The following UNC79 variants were observed in gnomAD, a reference collection of about 807,000 sequenced individuals.
The protein encoded by UNC79 is protein unc-79 homolog.
In UNC79, 37 loss-of-function variants were observed where a neutral mutation model predicts 283.1. The ratio of observed to expected loss-of-function variants is 0.13; its 90% CI spans 0.10 to 0.17. The LOEUF (loss-of-function observed/expected upper bound fraction) is 0.17, where lower values mean the gene tolerates loss of function less well. Among genes scored for constraint, UNC79 ranks in the 10% least tolerant of loss-of-function variants. UNC79 has a pLI of 1.00. For missense variants in UNC79, 2,272 were observed against 3,211.1 expected, an observed-to-expected ratio of 0.71 and a Z score of 7.07; for synonymous variants, 1,107 against 1,200.2, an observed-to-expected ratio of 0.92 and a Z score of 1.61.
chr14:93,341,808 C>T (rs1308058696), intron 1 of UNC79, among the ~76,000 whole-genome samples: 1 of 152,130 alleles, frequency 6.6e-6, no homozygotes, highest in Admixed American at 6.5e-5. Flanking sequence ...GTTAACCCAA[C>T]AGGGCAGCCA....
chr14:93,672,039 T>G (rs574547748), intron 40 of UNC79, among the ~76,000 whole-genome samples: 1 of 152,014 alleles, frequency 6.6e-6, no homozygotes, highest in Middle Eastern at 3.2e-3. Context: ...AAATAACAGA[T>G]CCTGGCGAGG....
intron 1 of UNC79, among the ~76,000 whole-genome samples, chr14:93,356,026 C>CTT (rs56265512): frequency 0.12 from 15,138 of 122,370 alleles, 1,105 homozygotes; most frequent in African/African-American, 0.2. Context: ...TACTAGTGTA[C>CTT]TTTTTTTTTT....
rs189515673 is a variant in UNC79, at chr14:93,497,845, G to T, written c.898+559G>T. Among the ~76,000 whole-genome samples the T allele has an allele frequency of 2.1e-3, 321 of 151,796 alleles. 1 individual carries two copies. Among genetic ancestry groups the T allele is most frequent in the Non-Finnish European group, 3.8e-3 (258 of 67,894 alleles). On this transcript the variant is annotated intron_variant, in intron 7 of 48. Coordinates refer to ENST00000555664, the Ensembl canonical transcript of UNC79. ...TACTAAAAATACAAAACTTAGCTGG[G>T]CGTGGTGGTGCACGACTGTAGTCCC...
At chr14:93,501,617 G>A (rs11847301) in intron 7 of UNC79, among the ~76,000 whole-genome samples, 11,604 of 151,942 alleles carry the variant, frequency 0.076, 499 homozygotes, top group Middle Eastern at 0.14. Context: ...GAACCCAGGA[G>A]GCGGAGGTTG....
At chr14:93,524,120 C>T in intron 8 of UNC79, 78 bp downstream of exon 8, 2 of 1,499,410 alleles carry the variant, frequency 1.3e-6, no homozygotes, top group Admixed American at 1.7e-5. Flanking sequence ...AGATTGCATC[C>T]TTCTCTGTAA....
At chr14:93,529,490 T>C (rs1183720391) in intron 10 of UNC79, among the ~76,000 whole-genome samples, 164 bp downstream of exon 10, 1 of 152,188 alleles carries the variant, frequency 6.6e-6, no homozygotes, top group South Asian at 2.1e-4. Flanking sequence ...TTGCTTATAA[T>C]GTACCCACAC....
At chr14:93,619,487 A>G (rs2066973156) in intron 29 of UNC79, among the ~76,000 whole-genome samples, 2 of 152,220 alleles carry the variant, frequency 1.3e-5, no homozygotes, top group South Asian at 4.1e-4. Flanking sequence ...TTCAAAGGAT[A>G]TTTTTCCAAA....
intron 30 of UNC79, among the ~76,000 whole-genome samples, chr14:93,627,554 T>C (rs1351551328): frequency 6.6e-6 from 1 of 152,206 alleles, no homozygotes; most frequent in Admixed American, 6.5e-5. Flanking sequence ...GCCATGGTGA[T>C]GGCAGAGTCA....
intron 40 of UNC79, 62 bp from the exon 44 acceptor site, chr14:93,673,289 C>T: frequency 6.9e-7 from 1 of 1,456,102 alleles, no homozygotes; most frequent in South Asian, 1.3e-5. Flanking sequence ...GCTCTTTTGA[C>T]ATGGATATAC....
chr14:93,655,704 G>A (rs150517669), intron 38 of UNC79, among the ~76,000 whole-genome samples: 3 of 151,072 alleles, frequency 2.0e-5, no homozygotes, highest in Non-Finnish European at 2.9e-5. Flanking sequence ...GTGTTTATCC[G>A]GCAGTTTTTC....
intron 1 of UNC79, among the ~76,000 whole-genome samples, chr14:93,413,729 GGA>G (rs2055387689): frequency 1.1e-5 from 1 of 87,952 alleles, no homozygotes; most frequent in Non-Finnish European, 2.4e-5. Context: ...CTAACTGGTG[GGA>G]GATGGTATCT....
chr14:93,497,230 G>C (rs1156628261), exon 7 of UNC79: 8 of 1,613,562 alleles, frequency 5.0e-6, no homozygotes, highest in Non-Finnish European at 6.8e-6. Context: ...TTCCACTACT[G>C]GCCCAATTTA....
At chr14:93,705,969 G>C (rs1169289206) in intron 48 of UNC79, among the ~76,000 whole-genome samples, 1 of 152,158 alleles carries the variant, frequency 6.6e-6, no homozygotes, top group Non-Finnish European at 1.5e-5. Context: ...GCCGTCGGGG[G>C]CATGGGCACT....
intron 14 of UNC79, among the ~76,000 whole-genome samples, chr14:93,557,839 GCAGA>G (rs1344091138): frequency 6.6e-6 from 1 of 152,310 alleles, no homozygotes; most frequent in East Asian, 1.9e-4. Context: ...GTAATCTAGA[GCAGA>G]CAGTTTCAAG....
chr14:93,417,674 G>T (rs377510725), intron 1 of UNC79, among the ~76,000 whole-genome samples: 34 of 152,236 alleles, frequency 2.2e-4, no homozygotes, highest in Middle Eastern at 6.8e-3. Flanking sequence ...AGATGTAGAT[G>T]TGGTCTTTTC....
intron 47 of UNC79, among the ~76,000 whole-genome samples, chr14:93,702,279 G>A (rs2141063604): frequency 6.6e-6 from 1 of 152,260 alleles, no homozygotes; most frequent in Admixed American, 6.5e-5. Context: ...GGGGGACAGG[G>A]GGAGGCATGG....
chr14:93,634,448 A>T, intron 31 of UNC79, 73 bp from the exon 34 acceptor site: 1 of 1,101,212 alleles, frequency 9.1e-7, no homozygotes, highest in Non-Finnish European at 1.4e-6. Context: ...TTAAAATTCT[A>T]TATGGATGTG....
chr14:93,448,126 C>T (rs538230351), intron 1 of UNC79, among the ~76,000 whole-genome samples: 1 of 151,188 alleles, frequency 6.6e-6, no homozygotes, highest in East Asian at 1.9e-4. Flanking sequence ...CACATATGTA[C>T]CTCTTACTGT....
At chr14:93,345,869 G>C (rs765781178) in intron 1 of UNC79, among the ~76,000 whole-genome samples, 4 of 151,640 alleles carry the variant, frequency 2.6e-5, no homozygotes, top group Non-Finnish European at 5.9e-5. Flanking sequence ...CTGGAGGAAC[G>C]TCACAATTCC....
Sources: gnomAD v4.1 joint callset for allele counts (sites outside exome capture counted in the v4.1 genomes callset) on GRCh38, gnomAD v4.1.1 for gene constraint, MANE v1.5 for transcripts, NCBI Gene and HGNC (gene_info 2026-07-23, HGNC 2026-07-21) for gene names.